Variants in EYS observed in about 807,000 individuals in gnomAD.
EYS encodes the protein protein eyes shut homolog.
Under a neutral mutation model 282.1 loss-of-function variants are expected in EYS, and 250 were observed. The observed-to-expected ratio is 0.89, with a 90% CI of 0.80 to 0.98. The LOEUF (loss-of-function observed/expected upper bound fraction) is 0.98, where lower values mean the gene tolerates loss of function less well. Among genes scored for constraint, EYS ranks in the 50% least tolerant of loss-of-function variants. The pLI is 0.00. For synonymous variants in EYS, 1,355 were observed against 1,282.9 expected, an observed-to-expected ratio of 1.06 and a Z score of -1.20; for missense variants, 4,016 against 3,709.0, an observed-to-expected ratio of 1.08 and a Z score of -2.15.
intron 19 of EYS, among the ~76,000 whole-genome samples, chr6:64,847,392 T>C (rs1158323970): frequency 6.6e-6 from 1 of 152,098 alleles, no homozygotes. Context: ...CTAGTGAATA[T>C]AGTTACTACA....
chr6:65,296,398 C>A (rs1157700807), intron 11 of EYS, among the ~76,000 whole-genome samples: 4 of 151,800 alleles, frequency 2.6e-5, no homozygotes, highest in African/African-American at 9.7e-5. Context: ...GGGATAACAT[C>A]ATGAACTCTG....
chr6:65,367,378 A>C (rs1255096946), intron 8 of EYS, among the ~76,000 whole-genome samples: 1 of 151,766 alleles, frequency 6.6e-6, no homozygotes, highest in Non-Finnish European at 1.5e-5. Flanking sequence ...ATTTATTCTT[A>C]ACCATAGCAG....
chr6:65,060,881 T>A (rs539181625), intron 12 of EYS, among the ~76,000 whole-genome samples: 1 of 151,568 alleles, frequency 6.6e-6, no homozygotes, highest in African/African-American at 2.4e-5. Context: ...GCTCTTAGAA[T>A]AGCTACTGTC....
At chr6:64,879,986 C>T (rs536042926) in intron 19 of EYS, among the ~76,000 whole-genome samples, 26 of 152,096 alleles carry the variant, frequency 1.7e-4, no homozygotes, top group African/African-American at 5.3e-4. Context: ...ATATTATTCT[C>T]CCACCTCCTC....
At chr6:65,687,691 T>G (rs1769076340) in intron 1 of EYS, among the ~76,000 whole-genome samples, 1 of 152,150 alleles carries the variant, frequency 6.6e-6, no homozygotes, top group Non-Finnish European at 1.5e-5. Flanking sequence ...CCCCATCGTC[T>G]CAGCCCAAAA....
At chr6:64,920,447 G>A (rs541488706) in intron 15 of EYS, among the ~76,000 whole-genome samples, 32 of 151,886 alleles carry the variant, frequency 2.1e-4, no homozygotes, top group Non-Finnish European at 3.8e-4. Context: ...GTGTGTAAGC[G>A]GAAAATTGAT....
At chr6:64,138,501 C>T (rs772558876) in intron 31 of EYS, among the ~76,000 whole-genome samples, 3 of 152,034 alleles carry the variant, frequency 2.0e-5, no homozygotes, top group Non-Finnish European at 2.9e-5. Context: ...GCATATAAAA[C>T]AATAGCTGTA....
chr6:65,181,345 T>C (rs775301594), intron 12 of EYS, among the ~76,000 whole-genome samples: 27 of 152,030 alleles, frequency 1.8e-4, no homozygotes, highest in Non-Finnish European at 3.7e-4. Context: ...TACAATGGAC[T>C]CAAACAAATT....
intron 33 of EYS, among the ~76,000 whole-genome samples, chr6:64,027,504 T>G (rs1245316960): frequency 2.0e-5 from 3 of 151,990 alleles, no homozygotes; most frequent in Admixed American, 1.3e-4. Flanking sequence ...TGTTCTATAA[T>G]AGGGACCAAG....
At chr6:65,371,314 T>G (rs542972061) in intron 8 of EYS, among the ~76,000 whole-genome samples, 33 of 151,824 alleles carry the variant, frequency 2.2e-4, no homozygotes, top group Middle Eastern at 3.4e-3. Context: ...TCCTTTTATA[T>G]AAGAGACTGG....
chr6:64,764,826 C>T (rs1773272918), intron 22 of EYS, among the ~76,000 whole-genome samples: 1 of 152,116 alleles, frequency 6.6e-6, no homozygotes, highest in Non-Finnish European at 1.5e-5. Flanking sequence ...GCAACCTCGG[C>T]CTCCTGGGTT....
chr6:64,633,967 C>T (rs968943885), intron 22 of EYS, among the ~76,000 whole-genome samples: 1 of 152,024 alleles, frequency 6.6e-6, no homozygotes, highest in Non-Finnish European at 1.5e-5. Flanking sequence ...GGTGAGATGA[C>T]AAATGCTTGT....
At chr6:63,977,145 A>T (rs1234432218) in intron 35 of EYS, among the ~76,000 whole-genome samples, 1 of 151,808 alleles carries the variant, frequency 6.6e-6, no homozygotes, top group Non-Finnish European at 1.5e-5. Flanking sequence ...CATATGCAGT[A>T]ATCTATATAT....
chr6:64,404,380 A>T (rs111331593), intron 28 of EYS, among the ~76,000 whole-genome samples: 6 of 93,794 alleles, frequency 6.4e-5, no homozygotes, highest in East Asian at 5.0e-4. Flanking sequence ...AGAGTGTGAG[A>T]GTGTGTGTGT....
At chr6:65,524,547 C>A (rs1767487795) in intron 2 of EYS, among the ~76,000 whole-genome samples, 2 of 152,314 alleles carry the variant, frequency 1.3e-5, no homozygotes, top group East Asian at 1.9e-4. Flanking sequence ...TGCCACCTAG[C>A]TGGTACTGTA....
intron 29 of EYS, among the ~76,000 whole-genome samples, chr6:64,314,783 G>A (rs1769872933): frequency 6.6e-6 from 1 of 152,090 alleles, no homozygotes; most frequent in Admixed American, 6.6e-5. Context: ...AGTGTGTAGA[G>A]GGAAATTTAT....
At chr6:64,195,461 C>A (rs1237055756) in intron 31 of EYS, among the ~76,000 whole-genome samples, 1 of 152,136 alleles carries the variant, frequency 6.6e-6, no homozygotes, top group Non-Finnish European at 1.5e-5. Flanking sequence ...TGCCACCATG[C>A]CCTGCCAATT....
chr6:65,023,791 G>A (rs2150139929), intron 13 of EYS, among the ~76,000 whole-genome samples: 1 of 152,284 alleles, frequency 6.6e-6, no homozygotes, highest in East Asian at 1.9e-4. Context: ...GCAATAATAA[G>A]GTAGGAATGG....
In EYS at chr6:65,587,292, T is replaced by C. The variant is rs561383379; in HGVS notation, c.-333+52486A>G. Among the ~76,000 whole-genome samples the C allele has an allele frequency of 1.6e-4, 24 of 152,214 alleles. 1 individual carries two copies. The East Asian group carries it at 2.9e-3, about 18-fold the overall frequency. On this transcript the variant is annotated intron_variant, in intron 2 of 42. Transcript: ENST00000503581. ...AATGTGATGGTGTTAAAAGGTGATA[T>C]GGTTCAGTTGTGTCCCCACCCAAAT...
Sources: gnomAD v4.1 joint callset for allele counts (sites outside exome capture counted in the v4.1 genomes callset) on GRCh38, gnomAD v4.1.1 for gene constraint, MANE v1.5 for transcripts, NCBI Gene and HGNC (gene_info 2026-07-23, HGNC 2026-07-21) for gene names.